The following ARB2A variants were observed in gnomAD, a reference collection of about 807,000 sequenced individuals.
ARB2A encodes cotranscriptional regulator ARB2A.
chr5:94,086,809 T>C, the ARB2A span, among the ~76,000 whole-genome samples: 2 of 152,204 alleles, frequency 1.3e-5, no homozygotes, highest in Non-Finnish European at 2.9e-5. Flanking sequence ...AGCCTCAGCC[T>C]CCCAAAGTGC....
chr5:93,964,487 C>T, the ARB2A span: 1 of 1,581,638 alleles, frequency 6.3e-7, no homozygotes, highest in Non-Finnish European at 8.6e-7. Flanking sequence ...AAATTACAAT[C>T]CTTTTCCAGG....
At chr5:93,651,139 C>CT in the ARB2A span, among the ~76,000 whole-genome samples, 261 of 145,272 alleles carry the variant, frequency 1.8e-3, no homozygotes, top group Middle Eastern at 7.3e-3. Context: ...AAAGAACACT[C>CT]TTTTTTTTTT....
the ARB2A span, among the ~76,000 whole-genome samples, chr5:94,085,072 CA>C: frequency 2.0e-5 from 3 of 152,042 alleles, no homozygotes; most frequent in South Asian, 4.2e-4. Context: ...TGTTTCTGGT[CA>C]AAAGATAAAT....
At chr5:93,805,549 C>A in the ARB2A span, 30 of 984,988 alleles carry the variant, frequency 3.0e-5, no homozygotes, top group Non-Finnish European at 3.6e-5. Context: ...AAACAGCAGG[C>A]ATCATACAGC....
the ARB2A span, among the ~76,000 whole-genome samples, chr5:94,044,953 A>T: frequency 1.8e-3 from 278 of 151,824 alleles, 1 homozygote; most frequent in African/African-American, 6.6e-3. Flanking sequence ...CCCCATCTCT[A>T]CTAAAAAATA....
At chr5:93,826,498 C>G in the ARB2A span, among the ~76,000 whole-genome samples, 1 of 152,146 alleles carries the variant, frequency 6.6e-6, no homozygotes, top group Non-Finnish European at 1.5e-5. Flanking sequence ...CAAACTCAAC[C>G]AATCCAACAC....
the ARB2A span, among the ~76,000 whole-genome samples, chr5:93,688,175 T>C: frequency 3.3e-3 from 496 of 152,262 alleles, 5 homozygotes; most frequent in Admixed American, 9.7e-3. Context: ...GGTTTCACCA[T>C]GTTGGCCAGG....
chr5:93,873,946 A>G, the ARB2A span, among the ~76,000 whole-genome samples: 1 of 152,188 alleles, frequency 6.6e-6, no homozygotes, highest in African/African-American at 2.4e-5. Flanking sequence ...TTTACTTTCT[A>G]CCACATGAAA....
the ARB2A span, among the ~76,000 whole-genome samples, chr5:94,095,997 C>T: frequency 6.6e-6 from 1 of 152,328 alleles, no homozygotes; most frequent in East Asian, 1.9e-4. Flanking sequence ...ACATCCTCTA[C>T]CAGCCTGATC....
the ARB2A span, among the ~76,000 whole-genome samples, chr5:93,687,253 A>G: frequency 2.0e-5 from 3 of 152,332 alleles, no homozygotes; most frequent in East Asian, 1.9e-4. Context: ...TTTTTGCAGA[A>G]TAACAAAGAT....
At chr5:93,818,045 C>G in the ARB2A span, among the ~76,000 whole-genome samples, 1 of 151,302 alleles carries the variant, frequency 6.6e-6, no homozygotes, top group Non-Finnish European at 1.5e-5. Flanking sequence ...GTAGACATTT[C>G]TCCAAAAAAT....
the ARB2A span, among the ~76,000 whole-genome samples, chr5:93,622,621 C>T: frequency 2.0e-5 from 3 of 152,214 alleles, no homozygotes; most frequent in African/African-American, 2.4e-5. Context: ...AGGATTCTCT[C>T]TATCCTCCTT....
chr5:93,689,905 G>C, the ARB2A span, among the ~76,000 whole-genome samples: 1 of 152,082 alleles, frequency 6.6e-6, no homozygotes, highest in African/African-American at 2.4e-5. Context: ...GCCTATGGAG[G>C]GTGAGCCGAA....
chr5:93,660,227 G>C, the ARB2A span, among the ~76,000 whole-genome samples: 3 of 152,112 alleles, frequency 2.0e-5, no homozygotes, highest in Admixed American at 1.3e-4. Context: ...AGATGATATA[G>C]CTAAAGTTTA....
chr5:93,715,531 G>A, the ARB2A span, among the ~76,000 whole-genome samples: 3 of 152,134 alleles, frequency 2.0e-5, no homozygotes, highest in African/African-American at 7.2e-5. Flanking sequence ...GCTAAAATCA[G>A]CTTTGCCTGA....
the ARB2A span, among the ~76,000 whole-genome samples, chr5:93,836,400 C>G: frequency 2.6e-5 from 4 of 152,302 alleles, no homozygotes; most frequent in African/African-American, 7.2e-5. Context: ...AGATATGGCT[C>G]TAATCCAGAA....
chr5:93,621,238 T>TCCCCGCCCCGCCCGCCTGCG, the ARB2A span: 1 of 830,626 alleles, frequency 1.2e-6, no homozygotes, highest in Non-Finnish European at 1.5e-6. Context: ...GTCCCGCCCC[T>TCCCCGCCCCGCCCGCCTGCG]CCCCGCCCCT....
At chr5:93,949,639 T>C in the ARB2A span, among the ~76,000 whole-genome samples, 1 of 152,104 alleles carries the variant, frequency 6.6e-6, no homozygotes, top group Non-Finnish European at 1.5e-5. Context: ...ATTTATCCTG[T>C]GTGTTACAAT....
At chr5:93,942,779 A>G in the ARB2A span, among the ~76,000 whole-genome samples, 1 of 152,046 alleles carries the variant, frequency 6.6e-6, no homozygotes, top group Admixed American at 6.6e-5. Context: ...TAAAAGAAGA[A>G]ACTTCGTGGT....
Sources: allele counts gnomAD v4.1 joint callset (sites outside exome capture counted in the v4.1 genomes callset), GRCh38; gene constraint gnomAD v4.1.1; transcripts MANE v1.5; gene names NCBI Gene and HGNC (gene_info 2026-07-23, HGNC 2026-07-21).